Variants in PHACTR1 observed in about 807,000 individuals in gnomAD.
The protein encoded by PHACTR1 is phosphatase and actin regulator 1.
In PHACTR1, 16 loss-of-function variants were observed where a neutral mutation model predicts 69.2. The observed-to-expected ratio is 0.23, with a 90% CI of 0.16 to 0.35. The LOEUF (loss-of-function observed/expected upper bound fraction) is 0.35, where lower values mean the gene tolerates loss of function less well. PHACTR1 is among the 10% of genes least tolerant of loss of function. The pLI is 1.00. For missense variants in PHACTR1, 510 were observed against 734.7 expected, an observed-to-expected ratio of 0.69 and a Z score of 3.54; for synonymous variants, 312 against 284.5, an observed-to-expected ratio of 1.10 and a Z score of -0.97.
chr6:12,723,814 C>T (rs139799684), intron 3 of PHACTR1, among the ~76,000 whole-genome samples: 44 of 152,232 alleles, frequency 2.9e-4, no homozygotes, highest in Non-Finnish European at 5.0e-4. Flanking sequence ...CACTATGGAC[C>T]AATTAAATCA....
intron 10 of PHACTR1, among the ~76,000 whole-genome samples, chr6:13,263,719 T>C (rs1776238637): frequency 6.6e-6 from 1 of 152,236 alleles, no homozygotes; most frequent in Non-Finnish European, 1.5e-5. Flanking sequence ...AATTTAATGT[T>C]AGTTTTAATC....
intron 11 of PHACTR1, chr6:13,274,877 T>C (rs958226457): frequency 6.6e-6 from 1 of 152,254 alleles, no homozygotes; most frequent in Admixed American, 6.5e-5. Flanking sequence ...AAAGAACTAC[T>C]TGACCAATTC....
At chr6:12,841,264 C>G (rs995371802) in intron 4 of PHACTR1, among the ~76,000 whole-genome samples, 8 of 152,170 alleles carry the variant, frequency 5.3e-5, no homozygotes, top group African/African-American at 1.9e-4. Context: ...CCCTAAGACC[C>G]TGTTTCTTCC....
At chr6:13,214,495 G>C (rs910330584) in intron 8 of PHACTR1, among the ~76,000 whole-genome samples, 39 of 152,286 alleles carry the variant, frequency 2.6e-4, no homozygotes, top group African/African-American at 8.9e-4. Flanking sequence ...TGATAAAATG[G>C]GAGAGGGGTC....
intron 4 of PHACTR1, among the ~76,000 whole-genome samples, chr6:13,000,416 T>G (rs1343563058): frequency 1.3e-5 from 2 of 151,948 alleles, no homozygotes; most frequent in Non-Finnish European, 2.9e-5. Context: ...GGTGTGGTGG[T>G]GCACATCTGT....
chr6:12,788,104 G>A (rs2127655965), intron 4 of PHACTR1, among the ~76,000 whole-genome samples: 1 of 151,684 alleles, frequency 6.6e-6, no homozygotes, highest in South Asian at 2.1e-4. Flanking sequence ...GTTGCAGTGA[G>A]CCAAGATCAC....
intron 7 of PHACTR1, among the ~76,000 whole-genome samples, chr6:13,197,694 G>A (rs534533789): frequency 3.3e-5 from 5 of 152,234 alleles, no homozygotes; most frequent in Admixed American, 2.0e-4. Flanking sequence ...TATCCCTCAA[G>A]GATCTAGAAT....
Position 12,913,772 on chromosome 6 carries a change from G to A in PHACTR1, c.251-139593G>A, listed in dbSNP as rs971725835. ...TGTTTCATGATGAAGAAGAGGAAGCGATATCCCAGGTGTTCCTGAATAACA... is the reference window on the plus strand; with the variant it reads ...TGTTTCATGATGAAGAAGAGGAAGCAATATCCCAGGTGTTCCTGAATAACA... On this transcript the variant is annotated intron_variant, in intron 4 of 14. Transcript: ENST00000332995. 3.3e-5 allele frequency among the ~76,000 whole-genome samples: 5 copies of A among 152,254 alleles called. No individual in the cohort carries two copies. The East Asian group carries it at 9.7e-4, about 29-fold the overall frequency.
chr6:13,232,506 C>T (rs1771373282), intron 10 of PHACTR1, among the ~76,000 whole-genome samples: 2 of 152,222 alleles, frequency 1.3e-5, no homozygotes, highest in Admixed American at 1.3e-4. Context: ...ATGGCCTTCT[C>T]TTTTAATACC....
In PHACTR1 at chr6:13,078,690, T is replaced by A. The variant is rs142372340; in HGVS notation, c.415+25161T>A. 2.2e-3 allele frequency among the ~76,000 whole-genome samples: 329 copies of A among 152,326 alleles called. 1 individual carries two copies. The highest frequency in any genetic ancestry group is 0.014 in the Middle Eastern group (4 of 294). The stretch of plus-strand genomic sequence containing the variant: ...ATACATTTAATCAGCAAAAGAGTTG[T>A]TCCTGTGATTAGCATCCTCCTGGTT... On this transcript the variant is annotated intron_variant, in intron 5 of 14. Transcript: ENST00000332995.
intron 4 of PHACTR1, among the ~76,000 whole-genome samples, chr6:12,842,313 C>T (rs1188728417): frequency 1.3e-5 from 2 of 152,264 alleles, no homozygotes; most frequent in East Asian, 1.9e-4. Flanking sequence ...ACTACATAGA[C>T]AGTCTTCAAC....
chr6:12,861,854 T>G (rs578228911), intron 4 of PHACTR1, among the ~76,000 whole-genome samples: 2 of 152,196 alleles, frequency 1.3e-5, no homozygotes, highest in African/African-American at 2.4e-5. Context: ...AAAATTAACC[T>G]TGGAAATAAA....
rs145773597 is a variant in PHACTR1 at position 13,057,196 on chromosome 6, T to C, written c.415+3667T>C. 4.0e-3 allele frequency among the ~76,000 whole-genome samples: 605 copies of C among 152,314 alleles called. 4 individuals are homozygous for C. Among genetic ancestry groups the C allele is most frequent in the African/African-American group, 0.014 (578 of 41,576 alleles). On this transcript the variant is annotated intron_variant, in intron 5 of 14. Transcript: ENST00000332995. Reference sequence around the variant, plus strand: ...TGTTTGAGATGATGGATATTCCCAATTACCCTGATTTGATCACTACACATT... The same window carrying C: ...TGTTTGAGATGATGGATATTCCCAACTACCCTGATTTGATCACTACACATT...
intron 11 of PHACTR1, chr6:13,273,861 A>C (rs1311026700): frequency 6.6e-6 from 1 of 152,216 alleles, no homozygotes; most frequent in Non-Finnish European, 1.5e-5. Context: ...AGAGTTTTCT[A>C]GAAATGCTAT....
At chr6:13,260,545 C>G (rs907948358) in intron 10 of PHACTR1, among the ~76,000 whole-genome samples, 2 of 152,154 alleles carry the variant, frequency 1.3e-5, no homozygotes. Flanking sequence ...GAATTTTGAC[C>G]AGGACTGGCA....
intron 4 of PHACTR1, among the ~76,000 whole-genome samples, chr6:12,969,556 A>G (rs1367327740): frequency 1.3e-5 from 2 of 152,216 alleles, no homozygotes; most frequent in African/African-American, 4.8e-5. Flanking sequence ...AGCCCAGGCA[A>G]TGTGGTGAAA....
At chr6:13,090,143 C>T (rs1276739693) in intron 5 of PHACTR1, among the ~76,000 whole-genome samples, 2 of 152,168 alleles carry the variant, frequency 1.3e-5, no homozygotes, top group African/African-American at 4.8e-5. Context: ...CAACCTCCGC[C>T]TCCTGTGTTC....
At chr6:12,830,116 A>AGAAC (rs1777327685) in intron 4 of PHACTR1, among the ~76,000 whole-genome samples, 2 of 71,440 alleles carry the variant, frequency 2.8e-5, no homozygotes, top group African/African-American at 7.6e-5. Context: ...AAAGAAAGAA[A>AGAAC]GAAAGAAAGA....
chr6:12,771,489 T>G (rs771688282), intron 4 of PHACTR1, among the ~76,000 whole-genome samples: 1 of 152,090 alleles, frequency 6.6e-6, no homozygotes, highest in African/African-American at 2.4e-5. Flanking sequence ...AGGAGAAATA[T>G]TCATCCTCAC....
Sources: gnomAD v4.1 joint callset for allele counts (sites outside exome capture counted in the v4.1 genomes callset) on GRCh38, gnomAD v4.1.1 for gene constraint, MANE v1.5 for transcripts, NCBI Gene and HGNC (gene_info 2026-07-23, HGNC 2026-07-21) for gene names.